Variants in CCDC85C observed in about 807,000 individuals in gnomAD.
CCDC85C encodes coiled-coil domain-containing protein 85C.
CCDC85C carries 18 observed loss-of-function variants against 38.3 expected under a neutral mutation model. That is an observed-to-expected ratio of 0.47 (90% CI 0.33 to 0.70). The LOEUF is 0.70. CCDC85C is among the 30% of genes least tolerant of loss of function. The pLI is 0.03. For missense variants in CCDC85C, 566 were observed against 621.2 expected (o/e 0.91, Z 0.94); for synonymous variants, 264 against 293.8 (o/e 0.90, Z 1.04).
At chr14:99,540,092 G>A (rs1897681964) in intron 1 of CCDC85C, among the ~76,000 whole-genome samples, 2 of 152,106 alleles carry the variant, frequency 1.3e-5, no homozygotes, top group Admixed American at 1.3e-4. Context: ...AGGTTGCAGT[G>A]AGCCGAGATC....
chr14:99,510,095 AG>A lies in CCDC85C; in HGVS notation c.*5150del. 1 of 1,503,912 alleles carries A rather than the reference AG, an allele frequency of 6.6e-7. No homozygotes were observed. The allele number at this position is 1,503,912 out of a possible 1,614,324, so 93.2% of individuals were successfully genotyped here. On this transcript the variant is annotated 3_prime_UTR_variant, in exon 6 of 6. Coordinates refer to ENST00000380243, the MANE Select transcript of CCDC85C (RefSeq NM_001144995.2). Reference sequence around the variant, plus strand: ...GTAAAGATGGCCCTGAAGGGCCAGGAGGCACTGAAAAAGCAACCATTGCTGG... The same window carrying A: ...GTAAAGATGGCCCTGAAGGGCCAGGAGCACTGAAAAAGCAACCATTGCTGG...
In CCDC85C at chr14:99,576,836, G is replaced by T. The variant is rs1469352066; in HGVS notation, c.793+26331C>A. ...ACAGGAAAGCAGAGGCTCAGAGAGG[G>T]TAAGCAACATGCCCAAGACAGCACA... On this transcript the variant is annotated intron_variant, in intron 1 of 5. Transcript: ENST00000380243. This position sits in a 1 kb window ranked among gnomAD's most constrained non-coding sequence, Gnocchi z 4.8. Among the ~76,000 whole-genome samples, 1 of 152,122 alleles carries T rather than the reference G, an allele frequency of 6.6e-6. No individual in the cohort carries two copies. Among genetic ancestry groups the T allele is most frequent in the Non-Finnish European group, 1.5e-5 (1 of 68,000 alleles).
At position 99,510,261 on chromosome 14, in the gene CCDC85C, GC is replaced by G; in HGVS notation, c.*4984del. ...CCAGATTCCCCCTCCGGCCCACCCG[GC>G]CCCTGTGCACCAGCCACCGCCGCTG... On this transcript the variant is annotated 3_prime_UTR_variant, in exon 6 of 6. Coordinates refer to ENST00000380243, the MANE Select transcript of CCDC85C (RefSeq NM_001144995.2). 2 of 1,354,256 alleles carry G rather than the reference GC, an allele frequency of 1.5e-6. No homozygotes were observed. Among genetic ancestry groups the G allele is most frequent in the Non-Finnish European group, 2.0e-6 (2 of 1,007,128 alleles). The allele number at this position is 1,354,256 out of a possible 1,614,324, so 83.9% of individuals were successfully genotyped here. A position where few individuals can be genotyped will look rare whatever the true frequency, so the allele number is the denominator to read the frequency against.
chr14:99,567,049 A>G (rs1326741568), intron 1 of CCDC85C, among the ~76,000 whole-genome samples: 2 of 152,168 alleles, frequency 1.3e-5, no homozygotes, highest in Non-Finnish European at 2.9e-5. Context: ...GAGCCACCCA[A>G]GTTCCCAAGT....
At chr14:99,559,417 C>G (rs924581460) in intron 1 of CCDC85C, among the ~76,000 whole-genome samples, 14 of 152,182 alleles carry the variant, frequency 9.2e-5, no homozygotes, top group African/African-American at 3.1e-4. Context: ...ATTACACCTT[C>G]TCTTATAGAT....
At chr14:99,543,945 C>A (rs1055108431) in intron 1 of CCDC85C, among the ~76,000 whole-genome samples, 1 of 152,208 alleles carries the variant, frequency 6.6e-6, no homozygotes, top group South Asian at 2.1e-4. Flanking sequence ...CAGGCCGAGG[C>A]AGCTGGCTGC....
chr14:99,568,446 G>A (rs192758865), intron 1 of CCDC85C, among the ~76,000 whole-genome samples: 45 of 152,056 alleles, frequency 3.0e-4, no homozygotes, highest in East Asian at 1.8e-3. Flanking sequence ...ACCTCTGTCC[G>A]AGGCAGCTCA....
intron 1 of CCDC85C, among the ~76,000 whole-genome samples, chr14:99,580,526 G>A (rs1254139984): frequency 6.6e-6 from 1 of 151,608 alleles, no homozygotes; most frequent in Non-Finnish European, 1.5e-5. Flanking sequence ...AGACAGCCAG[G>A]GAAAGAGGGG....
intron 1 of CCDC85C, among the ~76,000 whole-genome samples, chr14:99,541,074 G>A (rs928985217): frequency 1.3e-5 from 2 of 152,188 alleles, no homozygotes; most frequent in East Asian, 1.9e-4. Context: ...AGTAAGAACT[G>A]GGGGGCCAGA....
chr14:99,537,283 C>T (rs1047121949), intron 1 of CCDC85C, among the ~76,000 whole-genome samples: 15 of 152,172 alleles, frequency 9.9e-5, no homozygotes, highest in African/African-American at 3.6e-4. Flanking sequence ...TTTGACCACA[C>T]ACAGCCAGCT....
At chr14:99,596,639 C>T (rs2139993003) in intron 1 of CCDC85C, among the ~76,000 whole-genome samples, 1 of 152,322 alleles carries the variant, frequency 6.6e-6, no homozygotes, top group South Asian at 2.1e-4. Context: ...ATCCTGGGTG[C>T]TTGCCTAGGG....
Position 99,510,052 on chromosome 14 carries a change from G to C in CCDC85C, c.*5194C>G. 8.5e-7 allele frequency: 1 copy of C among 1,176,858 alleles called. No homozygotes were observed. The highest frequency in any genetic ancestry group is 1.2e-6 in the Non-Finnish European group (1 of 855,534). 72.9% of individuals were successfully genotyped at this position (1,176,858 alleles called of 1,614,324 possible). A position where few individuals can be genotyped will look rare whatever the true frequency, so the allele number is the denominator to read the frequency against. On this transcript the variant is annotated 3_prime_UTR_variant, in exon 6 of 6. Transcript: ENST00000380243. ...CGTTGGGCCACAGAGGAGGCGGGCA[G>C]CTGCTCCCTGCTCCTCTGTAAAGAT... is the stretch of plus-strand genomic sequence containing the variant.
chr14:99,558,576 G>T lies in CCDC85C; in HGVS notation c.794-22488C>A, dbSNP rs201657710. 2.6e-5 allele frequency among the ~76,000 whole-genome samples: 4 copies of T among 152,306 alleles called. No homozygotes were observed. The East Asian group carries it at 7.7e-4, about 29-fold the overall frequency. ...GTGGAGGTTGCAGTGAGCCAAGATT[G>T]TGCCACTGCACTCCAGCCTGGAGAT... On this transcript the variant is annotated intron_variant, in intron 1 of 5. Coordinates refer to ENST00000380243, the MANE Select transcript of CCDC85C (RefSeq NM_001144995.2). The surrounding 1 kb of genome is among the most constrained non-coding windows in gnomAD (Gnocchi z 4.2).
At chr14:99,559,725 C>T (rs570622111) in intron 1 of CCDC85C, among the ~76,000 whole-genome samples, 1 of 152,266 alleles carries the variant, frequency 6.6e-6, no homozygotes, top group East Asian at 1.9e-4. Flanking sequence ...CTAGTTAACC[C>T]GCTTGCAGGG....
intron 1 of CCDC85C, among the ~76,000 whole-genome samples, chr14:99,593,067 C>T (rs981782784): frequency 6.6e-6 from 1 of 152,132 alleles, no homozygotes; most frequent in Non-Finnish European, 1.5e-5. Context: ...GCAGTGTGGC[C>T]GGAACCCGCC....
chr14:99,530,195 C>T (rs537799924), intron 2 of CCDC85C, among the ~76,000 whole-genome samples: 1 of 152,326 alleles, frequency 6.6e-6, no homozygotes, highest in African/African-American at 2.4e-5. Flanking sequence ...CCATTCTGCC[C>T]ACATTGCGAG....
chr14:99,522,432 A>T (rs1394970522), intron 2 of CCDC85C, 192 bp from the exon 3 acceptor site: 4 of 522,050 alleles, frequency 7.7e-6, no homozygotes. Context: ...CCCAGCTCAA[A>T]TGTCAGCGAT....
intron 1 of CCDC85C, among the ~76,000 whole-genome samples, chr14:99,582,409 C>A (rs1182811579): frequency 6.6e-6 from 1 of 152,146 alleles, no homozygotes; most frequent in African/African-American, 2.4e-5. Flanking sequence ...AGGAATATCA[C>A]GTGGCAAAAT....
At position 99,545,047 on chromosome 14, in the gene CCDC85C, C is replaced by T. The variant is rs1204031435; in HGVS notation, c.794-8959G>A. On this transcript the variant is annotated intron_variant, in intron 1 of 5. Coordinates refer to ENST00000380243, the MANE Select transcript of CCDC85C (RefSeq NM_001144995.2). This position sits in a 1 kb window ranked among gnomAD's most constrained non-coding sequence, Gnocchi z 4.7. ...CAGTGCCTCCAGGGAAAAAAAGTAG[C>T]TAGAGAAGAGGAAAACGAACGGCTG... Among the ~76,000 whole-genome samples the T allele has an allele frequency of 6.6e-6, 1 of 152,188 alleles. No individual in the cohort carries two copies. Among genetic ancestry groups the T allele is most frequent in the Non-Finnish European group, 1.5e-5 (1 of 68,030 alleles).
Sources: allele counts gnomAD v4.1 joint callset (sites outside exome capture counted in the v4.1 genomes callset), GRCh38; gene constraint gnomAD v4.1.1; non-coding constraint Gnocchi (gnomAD v3.1); transcripts MANE v1.5; gene names NCBI Gene and HGNC (gene_info 2026-07-23, HGNC 2026-07-21).